CPNE7: variants seen among roughly 807,000 people sequenced by gnomAD.
CPNE7 encodes the protein copine 7.
CPNE7 carries 78 observed loss-of-function variants against 66.5 expected under a neutral mutation model. That is an observed-to-expected ratio of 1.17 (90% CI 0.98 to 1.42). The LOEUF (loss-of-function observed/expected upper bound fraction) is 1.42. CPNE7 is among the 40% of genes most tolerant of loss of function. The probability of loss-of-function intolerance (pLI) is 0.00; values close to 1 mark genes in which losing one functional copy is unlikely to be tolerated. For missense variants in CPNE7, 1,012 were observed against 776.6 expected (o/e 1.30, Z -3.60); for synonymous variants, 468 against 336.7 (o/e 1.39, Z -4.27).
chr16:89,596,793 C>T lies in CPNE7; in HGVS notation c.*172C>T, dbSNP rs1207057743. The T allele has an allele frequency of 1.1e-5, 9 of 817,812 alleles. No homozygotes were observed. The highest frequency in any genetic ancestry group is 2.7e-5 in the South Asian group (1 of 37,178). The allele number at this position is 817,812 out of a possible 1,614,324, so 50.7% of individuals were successfully genotyped here. On this transcript the variant is annotated 3_prime_UTR_variant, in exon 15 of 15. Transcript: ENST00000319518. The stretch of plus-strand genomic sequence containing the variant: ...TGCTGGCTTGGGCCCGGCTCTGGGG[C>T]CCCCAAGGCCGAAGGGTGACAAAAT...
chr16:89,584,911 C>G lies in CPNE7; in HGVS notation c.591+54C>G. 1 of 1,488,498 alleles carries G rather than the reference C, an allele frequency of 6.7e-7. No homozygotes were observed. The highest frequency in any genetic ancestry group is 9.3e-7 in the Non-Finnish European group (1 of 1,071,238). The allele number at this position is 1,488,498 out of a possible 1,614,324, so 92.2% of individuals were successfully genotyped here. ...AGGGGAAGGGGCTGTCCCCAGCCCT[C>G]ACGCATCTCTGGCCACATGGGAGGA... On this transcript the variant is annotated intron_variant, in intron 5 of 14. Coordinates refer to ENST00000319518, the MANE Select transcript of CPNE7 (RefSeq NM_153636.3). The surrounding 1 kb of genome is among the most constrained non-coding windows in gnomAD (Gnocchi z 6.0).
intron 13 of CPNE7, among the ~76,000 whole-genome samples, chr16:89,595,137 C>T (rs996519919): frequency 3.3e-5 from 5 of 152,110 alleles, no homozygotes; most frequent in South Asian, 2.1e-4. Flanking sequence ...CCGTGAGACT[C>T]GTGGAGATTT....
intron 1 of CPNE7, among the ~76,000 whole-genome samples, chr16:89,576,832 G>A (rs1042287029): frequency 6.6e-6 from 1 of 152,126 alleles, no homozygotes; most frequent in Non-Finnish European, 1.5e-5. Context: ...TGGCGTCTCC[G>A]GTCATCCACC....
intron 9 of CPNE7, among the ~76,000 whole-genome samples, chr16:89,588,270 G>A (rs111633967): frequency 2.4e-4 from 37 of 152,172 alleles, no homozygotes; most frequent in East Asian, 1.7e-3. Flanking sequence ...GCGCTGGTTC[G>A]TGTTTTGTTG....
chr16:89,591,018 CTT>C lies in CPNE7; in HGVS notation c.1130_1131del (p.Phe377CysfsTer7). 6.2e-7 allele frequency: 1 copy of C among 1,613,728 alleles called. No homozygotes were observed. Among genetic ancestry groups the C allele is most frequent in the Non-Finnish European group, 8.5e-7 (1 of 1,179,890 alleles). ...IPPKYEVSHD[F>X]AINFNPEDDE... ...TTGTTCCCACCCAGGTGTCCCATGACTTTGCCATCAATTTCAACCCTGAGGAC... is the reference window on the plus strand; with the variant it reads ...TTGTTCCCACCCAGGTGTCCCATGACTGCCATCAATTTCAACCCTGAGGAC... On this transcript the variant is annotated frameshift_variant, in exon 12 of 15. Coordinates refer to ENST00000319518, the MANE Select transcript of CPNE7 (RefSeq NM_153636.3). LOFTEE classifies it high-confidence loss of function.
Sources: gnomAD v4.1 joint callset for allele counts (sites outside exome capture counted in the v4.1 genomes callset) on GRCh38, gnomAD v4.1.1 for gene constraint, Gnocchi (gnomAD v3.1) non-coding constraint, MANE v1.5 for transcripts, NCBI Gene and HGNC (gene_info 2026-07-23, HGNC 2026-07-21) for gene names.